The following PKIB variants were observed in gnomAD, a reference collection of about 807,000 sequenced individuals.
PKIB encodes the protein cAMP-dependent protein kinase inhibitor beta.
A neutral mutation model predicts 4.5 loss-of-function variants in PKIB; 2 were observed. The observed-to-expected ratio is 0.44, with a 90% CI of 0.18 to 1.39. PKIB has a LOEUF of 1.39. Among genes scored for constraint, PKIB ranks in the 40% most tolerant of loss-of-function variants. The pLI is 0.27. For missense variants in PKIB, 94 were observed against 92.6 expected, an observed-to-expected ratio of 1.02 and a Z score of -0.06; for synonymous variants, 38 against 36.0, an observed-to-expected ratio of 1.06 and a Z score of -0.20.
chr6:122,715,358 A>G (rs1562316860), intron 3 of PKIB, among the ~76,000 whole-genome samples: 2 of 152,062 alleles, frequency 1.3e-5, no homozygotes, highest in African/African-American at 2.4e-5. Context: ...ACTTCTTTGC[A>G]GTTACACAGG....
chr6:122,575,325 C>T (rs1311060789), intron 2 of PKIB, among the ~76,000 whole-genome samples: 4 of 151,918 alleles, frequency 2.6e-5, no homozygotes, highest in African/African-American at 4.8e-5. Flanking sequence ...AGTACAACCA[C>T]GATGGAAAAC....
chr6:122,719,861 A>G (rs768300008), intron 4 of PKIB, among the ~76,000 whole-genome samples: 10 of 152,270 alleles, frequency 6.6e-5, no homozygotes, highest in Non-Finnish European at 1.2e-4. Context: ...ACAACAACAT[A>G]AATATATATA....
chr6:122,530,175 G>T (rs112977318), intron 2 of PKIB, among the ~76,000 whole-genome samples: 5 of 151,784 alleles, frequency 3.3e-5, no homozygotes, highest in African/African-American at 1.2e-4. Flanking sequence ...CTTCAAGTTT[G>T]CTCATTATTT....
chr6:122,577,307 G>A (rs1395049455), intron 2 of PKIB, among the ~76,000 whole-genome samples: 1 of 152,284 alleles, frequency 6.6e-6, no homozygotes, highest in East Asian at 1.9e-4. Context: ...TTTTTCCTGG[G>A]ATGAGGGACG....
At chr6:122,672,077 A>G (rs995312203) in intron 2 of PKIB, among the ~76,000 whole-genome samples, 6 of 152,174 alleles carry the variant, frequency 3.9e-5, no homozygotes, top group African/African-American at 1.4e-4. Flanking sequence ...GAGGATGGAC[A>G]AGCACCAAGA....
chr6:122,588,258 C>T (rs1233979668), intron 3 of PKIB, among the ~76,000 whole-genome samples: 1 of 152,084 alleles, frequency 6.6e-6, no homozygotes, highest in Non-Finnish European at 1.5e-5. Context: ...CCAGTTTTCC[C>T]AGCACCATTT....
intron 2 of PKIB, among the ~76,000 whole-genome samples, chr6:122,585,284 C>A (rs78300489): frequency 6.6e-6 from 1 of 152,226 alleles, no homozygotes; most frequent in African/African-American, 2.4e-5. Context: ...CTGCCCTGCA[C>A]CTTTATGATC....
chr6:122,657,912 G>A (rs1242707422), intron 2 of PKIB, among the ~76,000 whole-genome samples: 1 of 152,164 alleles, frequency 6.6e-6, no homozygotes, highest in Non-Finnish European at 1.5e-5. Context: ...TCATATATCA[G>A]ATATGTGTGG....
At chr6:122,698,635 C>T (rs964912714) in intron 3 of PKIB, among the ~76,000 whole-genome samples, 3 of 152,116 alleles carry the variant, frequency 2.0e-5, no homozygotes, top group East Asian at 1.9e-4. Flanking sequence ...GAGATGAGGT[C>T]GCTGAAGCCT....
Position 122,553,495 on chromosome 6 carries a change from T to TTTTTTTTTTTTTTTTTTTTTTTTTG in PKIB, c.-247-32418_-247-32417insTTTTTTTTTTTTTTTTGTTTTTTTT. ...TCAAATATCTTCTTTTTTTTTTTTT[T>TTTTTTTTTTTTTTTTTTTTTTTTTG]TTTTTTTTCTGAAAAAGGCTTCCCT... On this transcript the variant is annotated intron_variant, in intron 2 of 6. Transcript: ENST00000392491. Among the ~76,000 whole-genome samples the TTTTTTTTTTTTTTTTTTTTTTTTTG allele has an allele frequency of 1.4e-5, 2 of 140,518 alleles. 1 individual carries two copies. The highest frequency in any genetic ancestry group is 3.1e-5 in the Non-Finnish European group (2 of 65,286). 92.2% of individuals were successfully genotyped at this position (140,518 alleles called of 152,430 possible).
chr6:122,493,515 A>G (rs954991033), intron 2 of PKIB: 1 of 152,132 alleles, frequency 6.6e-6, no homozygotes. Context: ...GATTTTCCTC[A>G]ATTTCTTCAT....
At chr6:122,524,849 C>G (rs1464516540) in intron 2 of PKIB, among the ~76,000 whole-genome samples, 1 of 150,974 alleles carries the variant, frequency 6.6e-6, no homozygotes, top group Non-Finnish European at 1.5e-5. Context: ...TTTTAGTTGT[C>G]TTTCTTTTTT....
In PKIB at chr6:122,567,168, C is replaced by T. The variant is rs77685170; in HGVS notation, c.-247-18753C>T. Among the ~76,000 whole-genome samples, 255 of 152,244 alleles carry T rather than the reference C, an allele frequency of 1.7e-3. 2 individuals are homozygous for T. The East Asian group carries it at 0.033, about 19-fold the overall frequency. The stretch of plus-strand genomic sequence containing the variant: ...TCAGGTGACTTCCAATTGCTGATGC[C>T]TGTTATCTCTATGCTTGGAGTTTTT... On this transcript the variant is annotated intron_variant, in intron 2 of 6. Coordinates refer to the PKIB transcript ENST00000392491.
intron 4 of PKIB, among the ~76,000 whole-genome samples, chr6:122,721,653 A>T (rs1203128300): frequency 6.6e-6 from 1 of 152,160 alleles, no homozygotes; most frequent in Non-Finnish European, 1.5e-5. Context: ...GGAAATAGGA[A>T]ATGTAAAAAA....
chr6:122,600,026 T>TCTATATCTATATCTATAG (rs1554223101), intron 3 of PKIB, among the ~76,000 whole-genome samples: 19 of 147,598 alleles, frequency 1.3e-4, no homozygotes, highest in Admixed American at 3.4e-4. Context: ...TATATCTATA[T>TCTATATCTATATCTATAG]CTATAGCTAT....
chr6:122,590,252 A>G (rs1773977309), intron 3 of PKIB, among the ~76,000 whole-genome samples: 1 of 152,198 alleles, frequency 6.6e-6, no homozygotes, highest in African/African-American at 2.4e-5. Flanking sequence ...TTACATAAAA[A>G]ATCATTCACA....
At chr6:122,565,944 C>CT (rs1328921278) in intron 2 of PKIB, among the ~76,000 whole-genome samples, 3 of 152,196 alleles carry the variant, frequency 2.0e-5, no homozygotes, top group Non-Finnish European at 4.4e-5. Context: ...TTTCCTTTGA[C>CT]TTTTCTTCAC....
intron 2 of PKIB, among the ~76,000 whole-genome samples, chr6:122,505,723 T>G (rs1456305324): frequency 6.6e-6 from 1 of 152,178 alleles, no homozygotes; most frequent in Non-Finnish European, 1.5e-5. Flanking sequence ...AGATGATATT[T>G]AACTTTTTTA....
intron 3 of PKIB, among the ~76,000 whole-genome samples, chr6:122,598,923 C>T (rs1172395643): frequency 1.3e-5 from 2 of 152,152 alleles, no homozygotes; most frequent in South Asian, 2.1e-4. Flanking sequence ...TTATCCCATA[C>T]CCCTAATATC....
Sources: allele counts gnomAD v4.1 joint callset (sites outside exome capture counted in the v4.1 genomes callset), GRCh38; gene constraint gnomAD v4.1.1; transcripts MANE v1.5; gene names NCBI Gene and HGNC (gene_info 2026-07-23, HGNC 2026-07-21).